STK10: variants seen among roughly 807,000 people sequenced by gnomAD.
STK10 encodes serine/threonine kinase 10.
Under a neutral mutation model 113.8 loss-of-function variants are expected in STK10, and 78 were observed. The observed-to-expected ratio is 0.69, with a 90% CI of 0.57 to 0.83. The LOEUF is 0.83. STK10 is among the 40% of genes least tolerant of loss of function. The pLI is 0.00. For synonymous variants in STK10, 465 were observed against 494.7 expected (o/e 0.94, Z 0.80); for missense variants, 1,109 against 1,280.1 (o/e 0.87, Z 2.04).
chr5:172,137,788 G>C (rs956469887), intron 2 of STK10, among the ~76,000 whole-genome samples: 3 of 150,140 alleles, frequency 2.0e-5, no homozygotes, highest in African/African-American at 7.4e-5. Flanking sequence ...AGCTACTCGG[G>C]AGGCTGAGGC....
intron 8 of STK10, among the ~76,000 whole-genome samples, chr5:172,095,329 G>A (rs549570207): frequency 1.9e-3 from 289 of 152,224 alleles, no homozygotes; most frequent in Non-Finnish European, 3.4e-3. Context: ...AACCCTTCGG[G>A]GCTCCCAATA....
chr5:172,139,493 G>GAAAAA (rs551856973), intron 2 of STK10, among the ~76,000 whole-genome samples: 3 of 106,584 alleles, frequency 2.8e-5, no homozygotes, highest in African/African-American at 9.5e-5. Flanking sequence ...CCCATCTCTG[G>GAAAAA]AAAAAAAAAA....
chr5:172,186,649 C>T (rs1192954901), intron 1 of STK10, among the ~76,000 whole-genome samples: 1 of 151,906 alleles, frequency 6.6e-6, no homozygotes, highest in Admixed American at 6.6e-5. Context: ...AAAGAAAAAA[C>T]GCCACCACTC....
At chr5:172,152,435 A>C (rs1770255293) in intron 2 of STK10, among the ~76,000 whole-genome samples, 1 of 152,124 alleles carries the variant, frequency 6.6e-6, no homozygotes. Context: ...CTGGGGGTGG[A>C]GGATGGGGGT....
intron 18 of STK10, among the ~76,000 whole-genome samples, chr5:172,048,974 C>G (rs560527095): frequency 2.6e-5 from 4 of 152,210 alleles, no homozygotes; most frequent in African/African-American, 7.2e-5. Context: ...CCCCTGAAAA[C>G]CCCCACGGCT....
At chr5:172,130,680 C>T (rs1769735133) in intron 2 of STK10, among the ~76,000 whole-genome samples, 1 of 152,162 alleles carries the variant, frequency 6.6e-6, no homozygotes, top group South Asian at 2.1e-4. Context: ...TAATTGACTA[C>T]ATGACCCTGG....
intron 2 of STK10, among the ~76,000 whole-genome samples, chr5:172,149,522 CTGTGTGTGTGTG>C (rs367896863): frequency 7.3e-6 from 1 of 136,454 alleles, no homozygotes; most frequent in African/African-American, 2.8e-5. Context: ...GTGTGTGTGT[CTGTGTGTGTGTG>C]TGTGTGTGTC....
intron 17 of STK10, among the ~76,000 whole-genome samples, chr5:172,053,883 C>T (rs1767686692): frequency 6.6e-6 from 1 of 152,246 alleles, no homozygotes; most frequent in Non-Finnish European, 1.5e-5. Flanking sequence ...TCAGTGCTCA[C>T]ACTGAGGCAG....
chr5:172,080,706 G>A (rs757145840), intron 12 of STK10, among the ~76,000 whole-genome samples: 12 of 152,222 alleles, frequency 7.9e-5, no homozygotes, highest in Non-Finnish European at 1.6e-4. Flanking sequence ...AAGAAAGGCT[G>A]GAAGCTAGCA....
At chr5:172,129,988 T>C (rs748868322) in intron 2 of STK10, among the ~76,000 whole-genome samples, 3 of 152,200 alleles carry the variant, frequency 2.0e-5, no homozygotes, top group Non-Finnish European at 2.9e-5. Context: ...TATTTTTGTT[T>C]GGGTTTTTTG....
intron 15 of STK10, among the ~76,000 whole-genome samples, chr5:172,056,788 C>G (rs937315168): frequency 6.6e-6 from 1 of 151,312 alleles, no homozygotes; most frequent in Admixed American, 6.6e-5. Flanking sequence ...GCAGGAGAAT[C>G]ACTTGAACCC....
chr5:172,047,541 G>T (rs965631311), intron 18 of STK10, among the ~76,000 whole-genome samples: 2 of 152,166 alleles, frequency 1.3e-5, no homozygotes, highest in African/African-American at 4.8e-5. Context: ...ATGAGCGTGG[G>T]CCTAACAGGA....
intron 3 of STK10, among the ~76,000 whole-genome samples, chr5:172,119,400 A>G (rs551450333): frequency 1.3e-5 from 2 of 152,228 alleles, no homozygotes; most frequent in East Asian, 3.9e-4. Context: ...GGCCAGACAC[A>G]GTCTGATTTT....
At chr5:172,123,239 A>G (rs973571751) in intron 3 of STK10, among the ~76,000 whole-genome samples, 1 of 147,768 alleles carries the variant, frequency 6.8e-6, no homozygotes, top group African/African-American at 2.7e-5. Context: ...AACACTAAAC[A>G]GAGAGCTGCA....
chr5:172,084,393 T>G (rs1768503340), intron 10 of STK10, among the ~76,000 whole-genome samples: 1 of 145,738 alleles, frequency 6.9e-6, no homozygotes, highest in African/African-American at 2.7e-5. Flanking sequence ...AGGGCAAAAT[T>G]CTGTCTCAAA....
At chr5:172,163,867 T>A (rs1219480349) in intron 1 of STK10, among the ~76,000 whole-genome samples, 1 of 152,104 alleles carries the variant, frequency 6.6e-6, no homozygotes, top group Non-Finnish European at 1.5e-5. Context: ...TAGGGACTCA[T>A]CTTGGCCAAT....
At chr5:172,059,532 G>A (rs1374283600) in intron 14 of STK10, among the ~76,000 whole-genome samples, 1 of 150,702 alleles carries the variant, frequency 6.6e-6, no homozygotes, top group African/African-American at 2.4e-5. Flanking sequence ...CCTAACATCT[G>A]CCAGCCATAG....
At chr5:172,172,003 C>T (rs1432793387) in intron 1 of STK10, among the ~76,000 whole-genome samples, 1 of 152,008 alleles carries the variant, frequency 6.6e-6, no homozygotes, top group African/African-American at 2.4e-5. Context: ...ACCAGCCTGA[C>T]CAACATGGTG....
At chr5:172,124,026 A>C (rs1460381547) in intron 3 of STK10, among the ~76,000 whole-genome samples, 3 of 152,168 alleles carry the variant, frequency 2.0e-5, no homozygotes, top group Non-Finnish European at 4.4e-5. Flanking sequence ...TCCTGGGCTC[A>C]AGCAATCCTC....
Sources: allele counts gnomAD v4.1 joint callset (sites outside exome capture counted in the v4.1 genomes callset), GRCh38; gene constraint gnomAD v4.1.1; transcripts MANE v1.5; gene names NCBI Gene and HGNC (gene_info 2026-07-23, HGNC 2026-07-21).